SCFD2: variants seen among roughly 807,000 people sequenced by gnomAD.
The protein encoded by SCFD2 is sec1 family domain-containing protein 2.
SCFD2 carries 54 observed loss-of-function variants against 58.9 expected under a neutral mutation model. That is an observed-to-expected ratio of 0.92 (90% confidence interval 0.74 to 1.15). SCFD2 has a LOEUF of 1.15. Among genes scored for constraint, SCFD2 ranks in the 50% most tolerant of loss-of-function variants. The probability of loss-of-function intolerance (pLI) is 0.00; values close to 1 mark genes in which losing one functional copy is unlikely to be tolerated. For synonymous variants in SCFD2, 321 were observed against 335.9 expected (o/e 0.96, Z 0.49); for missense variants, 805 against 836.6 (o/e 0.96, Z 0.47).
chr4:53,247,878 A>AT, intron 4 of SCFD2, among the ~76,000 whole-genome samples: 1 of 151,100 alleles, frequency 6.6e-6, no homozygotes, highest in African/African-American at 2.4e-5. Flanking sequence ...AAAAAAAAAA[A>AT]AAAAAAAAAA....
At chr4:53,016,084 G>A (rs1190146662) in intron 5 of SCFD2, among the ~76,000 whole-genome samples, 1 of 152,172 alleles carries the variant, frequency 6.6e-6, no homozygotes. Flanking sequence ...ACGGTCACCT[G>A]GGGTGGAGGA....
At chr4:53,329,348 T>C (rs1733340006) in intron 2 of SCFD2, among the ~76,000 whole-genome samples, 1 of 152,070 alleles carries the variant, frequency 6.6e-6, no homozygotes, top group African/African-American at 2.4e-5. Context: ...TGTCCCTGTC[T>C]GACAGCTTTG....
chr4:53,084,069 G>A (rs1724230459), intron 5 of SCFD2, among the ~76,000 whole-genome samples: 1 of 152,096 alleles, frequency 6.6e-6, no homozygotes, highest in South Asian at 2.1e-4. Context: ...CAACAGCAGA[G>A]AACAGGTCTG....
intron 2 of SCFD2, among the ~76,000 whole-genome samples, chr4:53,348,618 A>G (rs780605900): frequency 9.2e-5 from 14 of 152,008 alleles, no homozygotes; most frequent in Non-Finnish European, 1.8e-4. Context: ...ATCTTTTACA[A>G]CCTGACTTCT....
rs565115554 is a variant in SCFD2, at chr4:53,304,396, C to A, written c.1135+9240G>T. On this transcript the variant is annotated intron_variant, in intron 3 of 8. Coordinates refer to ENST00000401642, the MANE Select transcript of SCFD2 (RefSeq NM_152540.4). ...CCTGTCTTGCTAGGTTGGGGAAATT[C>A]TCCTGGATAATATCCTGAAGAGTGT... 2.1e-3 allele frequency among the ~76,000 whole-genome samples: 327 copies of A among 152,220 alleles called. 1 individual carries two copies. Among genetic ancestry groups the A allele is most frequent in the Non-Finnish European group, 2.9e-3 (199 of 68,022 alleles).
intron 5 of SCFD2, among the ~76,000 whole-genome samples, chr4:53,046,752 C>A (rs1001498750): frequency 1.3e-5 from 2 of 152,086 alleles, no homozygotes; most frequent in Non-Finnish European, 2.9e-5. Flanking sequence ...ACTGCAACTT[C>A]CACCTCCCAG....
At position 53,018,252 on chromosome 4, in the gene SCFD2, A is replaced by G. The variant is rs142291314; in HGVS notation, c.1562-97382T>C. Among the ~76,000 whole-genome samples the G allele has an allele frequency of 2.5e-3, 376 of 152,318 alleles. 3 individuals carry two copies. The highest frequency in any genetic ancestry group is 8.6e-3 in the African/African-American group (359 of 41,576). ...TTAAGAAAAAGTTGATGAAAATTTG[A>G]TATTGTTACAGAATAAACCAAGCAT... On this transcript the variant is annotated intron_variant, in intron 5 of 8. Transcript: ENST00000401642.
intron 3 of SCFD2, among the ~76,000 whole-genome samples, chr4:53,274,874 C>G (rs1328302567): frequency 6.6e-6 from 1 of 152,212 alleles, no homozygotes; most frequent in Non-Finnish European, 1.5e-5. Context: ...TGGGGCCAAA[C>G]ATAGATGTAA....
intron 8 of SCFD2, among the ~76,000 whole-genome samples, chr4:52,875,852 A>G (rs1473842162): frequency 9.7e-6 from 1 of 102,920 alleles, no homozygotes; most frequent in African/African-American, 3.9e-5. Context: ...ATATATATAT[A>G]TATAGTTAAT....
chr4:53,246,941 T>A (rs978756344), intron 4 of SCFD2, among the ~76,000 whole-genome samples: 21 of 143,170 alleles, frequency 1.5e-4, no homozygotes, highest in Non-Finnish European at 2.3e-4. Flanking sequence ...TTTTGCAAAC[T>A]ATGGATCTGA....
intron 5 of SCFD2, among the ~76,000 whole-genome samples, chr4:53,027,115 G>A (rs1238523772): frequency 1.3e-5 from 2 of 152,120 alleles, no homozygotes; most frequent in Non-Finnish European, 2.9e-5. Context: ...CCAGAACCAT[G>A]GGCTTTTTTC....
At chr4:52,974,271 C>G (rs1470221482) in intron 5 of SCFD2, among the ~76,000 whole-genome samples, 1 of 152,064 alleles carries the variant, frequency 6.6e-6, no homozygotes, top group Non-Finnish European at 1.5e-5. Context: ...CTAGAAAACC[C>G]CATCGTCTCA....
chr4:53,004,501 T>G (rs1237611454), intron 5 of SCFD2, among the ~76,000 whole-genome samples: 1 of 152,206 alleles, frequency 6.6e-6, no homozygotes, highest in Admixed American at 6.5e-5. Context: ...ATTCCTACAA[T>G]GACCCTACAA....
chr4:53,108,906 A>C (rs1725085226), intron 5 of SCFD2, among the ~76,000 whole-genome samples: 2 of 152,214 alleles, frequency 1.3e-5, no homozygotes, highest in South Asian at 4.1e-4. Context: ...TGGCAGAGAC[A>C]CAACAAAAAA....
chr4:53,307,667 A>G (rs1046364540), intron 3 of SCFD2, among the ~76,000 whole-genome samples: 3 of 152,342 alleles, frequency 2.0e-5, no homozygotes, highest in African/African-American at 7.2e-5. Flanking sequence ...CAGAAGCAAG[A>G]GATTGAAATT....
chr4:53,274,586 G>A (rs1180290994), intron 3 of SCFD2, among the ~76,000 whole-genome samples: 1 of 152,264 alleles, frequency 6.6e-6, no homozygotes, highest in East Asian at 1.9e-4. Context: ...GGGTTGGTGT[G>A]GGGAACAGCA....
At chr4:52,940,097 C>T (rs1273957833) in intron 5 of SCFD2, among the ~76,000 whole-genome samples, 3 of 152,226 alleles carry the variant, frequency 2.0e-5, no homozygotes, top group Admixed American at 6.5e-5. Flanking sequence ...TGCTGGGCTA[C>T]GACTCTTGGT....
At chr4:53,140,337 G>C (rs1333047133) in intron 5 of SCFD2, among the ~76,000 whole-genome samples, 3 of 132,320 alleles carry the variant, frequency 2.3e-5, no homozygotes, top group African/African-American at 8.6e-5. Context: ...CTGTTATTGT[G>C]ATTGAGTCCA....
intron 4 of SCFD2, among the ~76,000 whole-genome samples, chr4:53,176,265 A>G (rs562661607): frequency 3.9e-5 from 6 of 152,364 alleles, no homozygotes; most frequent in African/African-American, 9.6e-5. Context: ...TGCCAAGTCT[A>G]AAAACACTGG....
Sources: allele counts gnomAD v4.1 joint callset (sites outside exome capture counted in the v4.1 genomes callset), GRCh38; gene constraint gnomAD v4.1.1; transcripts MANE v1.5; gene names NCBI Gene and HGNC (gene_info 2026-07-23, HGNC 2026-07-21).